ENOSF1: variants seen among roughly 807,000 people sequenced by gnomAD.
ENOSF1 encodes mitochondrial enolase superfamily member 1.
ENOSF1 carries 73 observed loss-of-function variants against 68.2 expected under a neutral mutation model. The ratio of observed to expected loss-of-function variants is 1.07; its 90% CI spans 0.89 to 1.30. The LOEUF (loss-of-function observed/expected upper bound fraction) is 1.30, where lower values mean the gene tolerates loss of function less well. Ranked by LOEUF, ENOSF1 falls within the 50% of genes most tolerant of loss-of-function variation. The pLI is 0.00. For missense variants in ENOSF1, 589 were observed against 554.5 expected (o/e 1.06, Z -0.62); for synonymous variants, 223 against 210.4 (o/e 1.06, Z -0.52).
downstream of ENOSF1, among the ~76,000 whole-genome samples, chr18:668,555 G>A (rs1229965667): frequency 6.6e-6 from 1 of 152,216 alleles, no homozygotes; most frequent in Non-Finnish European, 1.5e-5. Context: ...TTAGGTGGAA[G>A]TGTTGGAAAC....
At chr18:692,733 T>A in intron 5 of ENOSF1, 1 of 992,482 alleles carries the variant, frequency 1.0e-6, no homozygotes, top group Non-Finnish European at 1.2e-6. Context: ...TCATTCCCTT[T>A]TGGTGGCTAC....
Position 674,338 on chromosome 18 carries a change from A to G in ENOSF1, c.1299T>C (p.Val433=), listed in dbSNP as rs757954716. ...CTTGAGCAGGAAGGAGTTTCTTCCA[A>G]ACTTCACCATCTGGATACTGGTGTT... ...VKKHQYPDGE[V]WKKLLPAQEN Residue 433 remains valine (V), a synonymous_variant, in exon 16 of 16, where the codon GTT becomes GTC. Coordinates refer to ENST00000647584, the MANE Select transcript of ENOSF1 (RefSeq NM_017512.7). The G allele has an allele frequency of 9.3e-6, 15 of 1,612,568 alleles. No homozygotes were observed. The East Asian group carries it at 2.7e-4, about 29-fold the overall frequency.
chr18:706,068 G>C (rs983540140), intron 2 of ENOSF1, among the ~76,000 whole-genome samples: 1 of 152,014 alleles, frequency 6.6e-6, no homozygotes, highest in Non-Finnish European at 1.5e-5. Flanking sequence ...ATCACAATGA[G>C]CCTTTTTTGC....
At chr18:674,710 G>A (rs955220170) in intron 15 of ENOSF1, among the ~76,000 whole-genome samples, 4 of 152,076 alleles carry the variant, frequency 2.6e-5, no homozygotes, top group Non-Finnish European at 5.9e-5. Flanking sequence ...TGTAGAGACA[G>A]GGTTTCACCA....
At chr18:669,740 G>A (rs1205431358), downstream of ENOSF1, among the ~76,000 whole-genome samples, 3 of 150,846 alleles carry the variant, frequency 2.0e-5, no homozygotes, top group Admixed American at 6.6e-5. Context: ...GGAAGCAGAT[G>A]AAGTTCCAGC....
downstream of ENOSF1, chr18:667,577 T>C (rs371737383): frequency 1.2e-4 from 9 of 73,606 alleles, 2 homozygotes; most frequent in African/African-American, 7.5e-4. Flanking sequence ...ATGGAGATGG[T>C]GATGGTGATG....
intron 10 of ENOSF1, among the ~76,000 whole-genome samples, chr18:684,143 A>G (rs546875738): frequency 5.8e-4 from 87 of 151,286 alleles, no homozygotes; most frequent in African/African-American, 9.4e-4. Flanking sequence ...ACAGGCGCCC[A>G]CCACCACACC....
At position 673,461 on chromosome 18, in the gene ENOSF1, TTA is replaced by T. The variant is rs2075167085; in HGVS notation, c.*842_*843del. 2.3e-5 allele frequency: 5 copies of T among 214,752 alleles called. No individual in the cohort carries two copies. The highest frequency in any genetic ancestry group is 1.1e-4 in the African/African-American group (5 of 44,256). 13.3% of individuals were successfully genotyped at this position (214,752 alleles called of 1,614,324 possible). The stretch of plus-strand genomic sequence containing the variant: ...TATGAACTTTAAAGTTATAGTTGTT[TTA>T]TATGTTGCTATAATAAAGAAGTGTT... On this transcript the variant is annotated 3_prime_UTR_variant, in exon 16 of 16. Coordinates refer to ENST00000647584, the MANE Select transcript of ENOSF1 (RefSeq NM_017512.7).
rs916994666 is a variant in ENOSF1, at chr18:689,680, TCTGCCCCCATCG to T, written c.618+857_618+868del. The stretch of plus-strand genomic sequence containing the variant: ...CATAAGAAGGAATATATATTTTGTC[TCTGCCCCCATCG>T]CTGCCCCCCTATTTCCTAACACACA... On this transcript the variant is annotated intron_variant, in intron 8 of 15. Coordinates refer to ENST00000647584, the MANE Select transcript of ENOSF1 (RefSeq NM_017512.7). Among the ~76,000 whole-genome samples, 49 of 152,264 alleles carry T rather than the reference TCTGCCCCCATCG, an allele frequency of 3.2e-4. 1 individual carries two copies. The highest frequency in any genetic ancestry group is 1.1e-3 in the African/African-American group (47 of 41,560).
At chr18:678,154 A>C (rs2075702094) in intron 12 of ENOSF1, among the ~76,000 whole-genome samples, 1 of 152,206 alleles carries the variant, frequency 6.6e-6, no homozygotes, top group Admixed American at 6.5e-5. Context: ...TGTCACAGCG[A>C]CTGATAAGTG....
At chr18:697,940 T>C (rs1372875542) in intron 2 of ENOSF1, among the ~76,000 whole-genome samples, 2 of 152,140 alleles carry the variant, frequency 1.3e-5, no homozygotes, top group Admixed American at 6.5e-5. Flanking sequence ...ATTACAGGCA[T>C]GTGCCGCCAC....
rs1224845166 is a variant in ENOSF1, at chr18:683,501, C to CTAG, written c.742-122_742-121insCTA. The CTAG allele has an allele frequency of 4.2e-6, 5 of 1,189,098 alleles. No individual in the cohort carries two copies. In the East Asian group the frequency reaches 1.2e-4, roughly 29 times the overall value. 73.7% of individuals were successfully genotyped at this position (1,189,098 alleles called of 1,614,324 possible). On this transcript the variant is annotated intron_variant, in intron 10 of 15. Coordinates refer to ENST00000647584, the MANE Select transcript of ENOSF1 (RefSeq NM_017512.7). ...CCAACAGCTGAGTGAGACCCCCTAA[C>CTAG]GCCTCTGCTGAGGCCCAGCACACGG...
intron 11 of ENOSF1, among the ~76,000 whole-genome samples, chr18:680,391 G>A (rs1445614175): frequency 6.6e-6 from 1 of 152,198 alleles, no homozygotes; most frequent in African/African-American, 2.4e-5. Flanking sequence ...GGAGGAAGGG[G>A]GAGGAGGAAA....
chr18:708,221 C>G (rs982170582), intron 1 of ENOSF1, among the ~76,000 whole-genome samples: 1 of 152,086 alleles, frequency 6.6e-6, no homozygotes, highest in African/African-American at 2.4e-5. Flanking sequence ...GCTGAGGGAG[C>G]TGTATGTGAT....
At position 670,557 on chromosome 18, in the gene ENOSF1, C is replaced by G. The variant is rs2074994811; in HGVS notation, c.*3748G>C. On this transcript the variant is annotated 3_prime_UTR_variant, in exon 16 of 16. Transcript: ENST00000647584. ...TCGCTGCAGAGGCTGTTATGGACAT[C>G]ACTGCAGCCCAGTGGCTCTCTCTCC... 3 of 883,410 alleles carry G rather than the reference C, an allele frequency of 3.4e-6. No homozygotes were observed. Among genetic ancestry groups the G allele is most frequent in the Non-Finnish European group, 5.2e-6 (3 of 575,572 alleles). The allele number at this position is 883,410 out of a possible 1,614,324, so 54.7% of individuals were successfully genotyped here. A position where few individuals can be genotyped will look rare whatever the true frequency, so the allele number is the denominator to read the frequency against.
Position 672,811 on chromosome 18 carries a change from C to T in ENOSF1, c.*1494G>A. ...GTTTCACGGACATGAGGAGCAATTA[C>T]AACAGGTCGTACAATTATGGCAAAA... On this transcript the variant is annotated 3_prime_UTR_variant, in exon 16 of 16. Transcript: ENST00000647584. 1.3e-6 allele frequency: 2 copies of T among 1,528,950 alleles called. No homozygotes were observed. Among genetic ancestry groups the T allele is most frequent in the East Asian group, 4.6e-5 (2 of 43,732 alleles). The allele number at this position is 1,528,950 out of a possible 1,614,324, so 94.7% of individuals were successfully genotyped here.
chr18:667,881 C>G (rs1410596659), downstream of ENOSF1: 1 of 151,582 alleles, frequency 6.6e-6, no homozygotes, highest in Admixed American at 6.6e-5. Context: ...GCTTAAAAGG[C>G]CTAATAAAAT....
rs775397624 is a variant in ENOSF1 at position 690,531 on chromosome 18, C to A, written c.618+18G>T. ...TCTCCCCATTCAGCTGTCTACAAAG[C>A]CAGGTTAAAATGCCCACCTGCTTCA... On this transcript the variant is annotated intron_variant, in intron 8 of 15. Transcript: ENST00000647584. 6.2e-7 allele frequency: 1 copy of A among 1,614,156 alleles called. No individual in the cohort carries two copies. The highest frequency in any genetic ancestry group is 1.1e-5 in the South Asian group (1 of 91,082).
chr18:704,710 A>G (rs2078750339), intron 2 of ENOSF1, among the ~76,000 whole-genome samples: 1 of 151,434 alleles, frequency 6.6e-6, no homozygotes, highest in Non-Finnish European at 1.5e-5. Context: ...GGTTCAAGCA[A>G]TTCTCGTGCT....
Sources: allele counts gnomAD v4.1 joint callset (sites outside exome capture counted in the v4.1 genomes callset), GRCh38; gene constraint gnomAD v4.1.1; transcripts MANE v1.5; gene names NCBI Gene and HGNC (gene_info 2026-07-23, HGNC 2026-07-21).